The following SCAF11 variants were observed in gnomAD, a reference collection of about 807,000 sequenced individuals.
The protein encoded by SCAF11 is protein SCAF11.
A neutral mutation model predicts 140.5 loss-of-function variants in SCAF11; 47 were observed. The observed-to-expected ratio is 0.33, with a 90% CI of 0.26 to 0.43. SCAF11 has a LOEUF of 0.43. Among genes scored for constraint, SCAF11 ranks in the 20% least tolerant of loss-of-function variants. SCAF11 has a pLI of 1.00. For synonymous variants in SCAF11, 557 were observed against 579.4 expected (o/e 0.96, Z 0.55); for missense variants, 1,645 against 1,705.1 (o/e 0.96, Z 0.62).
intron 5 of SCAF11, 28 bp downstream of exon 5, chr12:45,948,409 C>T (rs751764890): frequency 2.8e-6 from 4 of 1,438,050 alleles, no homozygotes; most frequent in Non-Finnish European, 3.9e-6. Context: ...CACTCATTTG[C>T]ATTCCACTTC....
chr12:45,954,848 A>C (rs1592198501), intron 3 of SCAF11: 1 of 150,680 alleles, frequency 6.6e-6, no homozygotes, highest in Non-Finnish European at 1.5e-5. Flanking sequence ...AGCCTCCCAA[A>C]GTGTTGGGAT....
At chr12:45,973,409 AAAG>A (rs912098266) in intron 1 of SCAF11, among the ~76,000 whole-genome samples, 20 of 152,098 alleles carry the variant, frequency 1.3e-4, no homozygotes, top group South Asian at 6.2e-4. Context: ...AGAAGAAGAA[AAAG>A]AAGAAGAAGA....
Position 45,927,868 on chromosome 12 carries a change from T to C in SCAF11, c.1833A>G (p.Leu611=). Residue 611 remains leucine (L), a synonymous_variant, in exon 11 of 15, where the codon TTA becomes TTG. Coordinates refer to ENST00000369367, the MANE Select transcript of SCAF11 (RefSeq NM_004719.3). ...GTATAATTTCACCCTCAGAAGATTC[T>C]AACTTGGGGCTCTCTATAAGCTCCT... The part of the protein sequence containing the change: ...KTEELIESPK[L]ESSEGEIIQT... 1 of 1,613,762 alleles carries C rather than the reference T, an allele frequency of 6.2e-7. No homozygotes were observed. Among genetic ancestry groups the C allele is most frequent in the Non-Finnish European group, 8.5e-7 (1 of 1,179,928 alleles).
intron 1 of SCAF11, among the ~76,000 whole-genome samples, chr12:45,982,592 C>G (rs1471884501): frequency 6.6e-6 from 1 of 152,142 alleles, no homozygotes; most frequent in Non-Finnish European, 1.5e-5. Context: ...GTAATCCTAG[C>G]TACTCAGGAG....
intron 6 of SCAF11, among the ~76,000 whole-genome samples, chr12:45,937,580 G>C (rs542855655): frequency 6.6e-6 from 1 of 152,206 alleles, no homozygotes; most frequent in African/African-American, 2.4e-5. Flanking sequence ...TTCACTGTAG[G>C]GTGATCAAGC....
intron 1 of SCAF11, among the ~76,000 whole-genome samples, chr12:45,989,979 C>A (rs537296352): frequency 9.2e-5 from 14 of 151,880 alleles, no homozygotes; most frequent in African/African-American, 3.4e-4. Context: ...GCCCCTTCCC[C>A]CCCCCCCGTA....
chr12:45,991,675 GTT>G (rs1946615179), upstream of SCAF11, among the ~76,000 whole-genome samples: 1 of 152,176 alleles, frequency 6.6e-6, no homozygotes, highest in Non-Finnish European at 1.5e-5. Flanking sequence ...TAAATGTTTT[GTT>G]TTACCTCGGA....
chr12:45,928,099 T>A lies in SCAF11; in HGVS notation c.1602A>T (p.Gln534His). ...TACATACATCTGTCTTTACCTCTGA[T>A]TGTGAAAGTCCAGATATCTGGTCTT... ...EKQDQISGLSQSEVKTDVCTV... is the reference protein window; with the variant it reads ...EKQDQISGLSHSEVKTDVCTV... The change falls in exon 11 of 15, where the codon CAA (glutamine) becomes CAT (histidine). Residue 534 changes from glutamine (Q) to histidine (H), a missense_variant. Gln to His is a conservative substitution (Grantham distance 24). Around this residue, in one of 2 missense-constraint regions of SCAF11, gnomAD observed 1,582 missense variants for 1,609.2 expected, o/e 0.98. Coordinates refer to ENST00000369367, the MANE Select transcript of SCAF11 (RefSeq NM_004719.3). 1.9e-6 allele frequency: 3 copies of A among 1,613,976 alleles called. No homozygotes were observed. Among genetic ancestry groups the A allele is most frequent in the Non-Finnish European group, 2.5e-6 (3 of 1,179,978 alleles).
Position 45,990,340 on chromosome 12 carries a change from G to C in SCAF11, c.-22+13C>G. On this transcript the variant is annotated intron_variant, in intron 1 of 14. Transcript: ENST00000369367. ...CCCAAGCCCATCCACCCCGCGGGTC[G>C]ACCAGTGTTTACCTCAGACCGAGGT... The C allele has an allele frequency of 8.1e-7, 1 of 1,231,886 alleles. No individual in the cohort carries two copies. The highest frequency in any genetic ancestry group is 4.1e-5 in the South Asian group (1 of 24,268). The allele number at this position is 1,231,886 out of a possible 1,614,324, so 76.3% of individuals were successfully genotyped here.
At chr12:45,981,499 G>A (rs976912681) in intron 1 of SCAF11, among the ~76,000 whole-genome samples, 10 of 152,094 alleles carry the variant, frequency 6.6e-5, no homozygotes, top group Non-Finnish European at 1.2e-4. Flanking sequence ...TCCAAAAACC[G>A]AAACATCATT....
intron 4 of SCAF11, 78 bp from the exon 5 acceptor site, chr12:45,948,615 T>A: frequency 2.3e-6 from 2 of 871,730 alleles, no homozygotes; most frequent in Non-Finnish European, 3.6e-6. Flanking sequence ...TTGAAATGAT[T>A]AAAATTACAG....
intron 1 of SCAF11, among the ~76,000 whole-genome samples, chr12:45,972,933 T>TATAG (rs1565689054): frequency 2.8e-4 from 15 of 52,726 alleles, no homozygotes; most frequent in South Asian, 1.8e-3. Context: ...TATATAGATA[T>TATAG]ATATAGATAT....
intron 11 of SCAF11, 117 bp downstream of exon 11, chr12:45,926,025 A>T: frequency 5.7e-6 from 6 of 1,054,238 alleles, no homozygotes; most frequent in Non-Finnish European, 8.0e-6. Flanking sequence ...TAAACAACTA[A>T]GGTTCAGCTT....
Position 45,923,125 on chromosome 12 carries a change from A to C in SCAF11, c.3936T>G (p.Asn1312Lys). The C allele has an allele frequency of 6.2e-7, 1 of 1,614,116 alleles. No homozygotes were observed. The highest frequency in any genetic ancestry group is 8.5e-7 in the Non-Finnish European group (1 of 1,179,982). The change falls in exon 13 of 15, where the codon AAT (asparagine) becomes AAG (lysine). Residue 1312 changes from asparagine (N) to lysine (K), a missense_variant. Coordinates refer to ENST00000369367, the MANE Select transcript of SCAF11 (RefSeq NM_004719.3). ...QGIPSSSHVS[N>K]NMSTPVLPAP... ...CAGGCAAAACTGGTGTACTCATGTTATTACTTACATGAGAAGAACTAGGAA... is the reference window on the plus strand; with the variant it reads ...CAGGCAAAACTGGTGTACTCATGTTCTTACTTACATGAGAAGAACTAGGAA...
Position 45,959,966 on chromosome 12 carries a change from G to C in SCAF11, c.219+1734C>G, listed in dbSNP as rs1243949400. On this transcript the variant is annotated intron_variant, in intron 3 of 14. Coordinates refer to ENST00000369367, the MANE Select transcript of SCAF11 (RefSeq NM_004719.3). ...GTTTATAATAGCAGCATAAAGATAA[G>C]TACTTTCTTTTGAAAAGCAATTTGA... Among the ~76,000 whole-genome samples the C allele has an allele frequency of 5.3e-5, 8 of 152,266 alleles. No individual in the cohort carries two copies. In the East Asian group the frequency reaches 1.5e-3, roughly 29 times the overall value.
At chr12:45,963,666 G>A (rs1240081703) in intron 2 of SCAF11, among the ~76,000 whole-genome samples, 1 of 152,138 alleles carries the variant, frequency 6.6e-6, no homozygotes, top group Non-Finnish European at 1.5e-5. Flanking sequence ...AACTGGTGGT[G>A]TCTGAAATAA....
chr12:45,973,728 C>A (rs1370938807), intron 1 of SCAF11, among the ~76,000 whole-genome samples: 2 of 151,988 alleles, frequency 1.3e-5, no homozygotes, highest in Non-Finnish European at 2.9e-5. Flanking sequence ...GAACTGTAAA[C>A]CTAAAATCCT....
chr12:45,972,881 G>GATAT (rs1272321485), intron 1 of SCAF11, among the ~76,000 whole-genome samples: 1 of 18,944 alleles, frequency 5.3e-5, no homozygotes, highest in South Asian at 1.4e-3. Context: ...TATATATATA[G>GATAT]ATATATATAT....
chr12:45,964,389 C>T (rs1251078128), intron 1 of SCAF11, among the ~76,000 whole-genome samples: 3 of 152,152 alleles, frequency 2.0e-5, no homozygotes, highest in Admixed American at 6.5e-5. Flanking sequence ...AAGCCTTGGC[C>T]GTGCACGGTG....
Sources: gnomAD v4.1 joint callset for allele counts (sites outside exome capture counted in the v4.1 genomes callset) on GRCh38, gnomAD v4.1.1 for gene constraint, gnomAD v4.1.1 regional missense constraint, MANE v1.5 for transcripts, NCBI Gene and HGNC (gene_info 2026-07-23, HGNC 2026-07-21) for gene names.